The following MED13 variants were observed in gnomAD, a reference collection of about 807,000 sequenced individuals.
MED13 encodes mediator complex subunit 13.
Under a neutral mutation model 225.2 loss-of-function variants are expected in MED13, and 23 were observed. The observed-to-expected ratio is 0.10, with a 90% confidence interval of 0.07 to 0.14. The LOEUF (loss-of-function observed/expected upper bound fraction) is 0.14, where lower values mean the gene tolerates loss of function less well. MED13 is among the 10% of genes least tolerant of loss of function. The pLI is 1.00. For missense variants in MED13, 2,197 were observed against 2,594.5 expected (o/e 0.85, Z 3.33); for synonymous variants, 942 against 889.2 (o/e 1.06, Z -1.06).
intron 8 of MED13, among the ~76,000 whole-genome samples, chr17:62,022,650 A>G (rs1291766536): frequency 6.6e-6 from 1 of 152,142 alleles, no homozygotes; most frequent in Non-Finnish European, 1.5e-5. Flanking sequence ...TATATAAGTA[A>G]CTAATATGGA....
At chr17:62,021,665 C>CA (rs1318160723) in intron 8 of MED13, among the ~76,000 whole-genome samples, 1 of 152,102 alleles carries the variant, frequency 6.6e-6, no homozygotes, top group Non-Finnish European at 1.5e-5. Flanking sequence ...ATTATAATGG[C>CA]AAAAAATAAT....
chr17:61,982,589 T>C lies in MED13; in HGVS notation c.3414A>G (p.Ser1138=). 6.2e-7 allele frequency: 1 copy of C among 1,614,226 alleles called. No individual in the cohort carries two copies. The highest frequency in any genetic ancestry group is 8.5e-7 in the Non-Finnish European group (1 of 1,180,044). ...AVMNRKFGNN[S]GLFLEDELDI... ...CTAGTTCATCTTCAAGAAATAATCC[T>C]GAATTGTTTCCAAATTTTCTGTTCA... is the stretch of plus-strand genomic sequence containing the variant. Residue 1138 remains serine, a synonymous_variant, in exon 16 of 30, where the codon TCA becomes TCG. Transcript: ENST00000397786.
chr17:61,957,184 T>G (rs1303072631), intron 23 of MED13, among the ~76,000 whole-genome samples: 1 of 151,370 alleles, frequency 6.6e-6, no homozygotes, highest in Non-Finnish European at 1.5e-5. Context: ...GCAGCTGAGA[T>G]TACAGGCACA....
At chr17:61,976,311 T>C (rs769543027) in intron 16 of MED13, among the ~76,000 whole-genome samples, 17 of 152,146 alleles carry the variant, frequency 1.1e-4, no homozygotes, top group Non-Finnish European at 2.1e-4. Context: ...CTGAAGACCA[T>C]ACAGTATATA....
intron 1 of MED13, among the ~76,000 whole-genome samples, chr17:62,064,871 G>A (rs543513407): frequency 6.6e-6 from 1 of 152,206 alleles, no homozygotes; most frequent in Non-Finnish European, 1.5e-5. Flanking sequence ...GCCAGATAAG[G>A]AGCTCAAGTT....
chr17:61,975,464 A>G (rs367752445), intron 16 of MED13, among the ~76,000 whole-genome samples: 1 of 152,362 alleles, frequency 6.6e-6, no homozygotes, highest in East Asian at 1.9e-4. Flanking sequence ...TATAATAAGA[A>G]AAACAATGTG....
chr17:61,958,091 C>G (rs1480128018), intron 23 of MED13, among the ~76,000 whole-genome samples: 1 of 151,818 alleles, frequency 6.6e-6, no homozygotes, highest in East Asian at 1.9e-4. Flanking sequence ...GTCTCGATCT[C>G]CTGACCTTGT....
intron 11 of MED13, among the ~76,000 whole-genome samples, chr17:61,990,552 ATT>A (rs1491517850): frequency 6.7e-6 from 1 of 150,266 alleles, no homozygotes; most frequent in Non-Finnish European, 1.5e-5. Flanking sequence ...ATATATATAT[ATT>A]TTTTAGTATG....
At chr17:62,047,758 AAAAG>A (rs2080911200) in intron 3 of MED13, among the ~76,000 whole-genome samples, 1 of 151,858 alleles carries the variant, frequency 6.6e-6, no homozygotes, top group African/African-American at 2.4e-5. Context: ...AGATCATTAA[AAAAG>A]AGAGAGAGAG....
intron 3 of MED13, among the ~76,000 whole-genome samples, chr17:62,042,790 C>CA: frequency 6.6e-6 from 1 of 152,002 alleles, no homozygotes. Context: ...GCAGCTCCAA[C>CA]ACTTGATAGC....
rs60236710 is a variant in MED13, at chr17:62,008,016, C to CAA, written c.1967+2532_1967+2533dup. On this transcript the variant is annotated intron_variant, in intron 9 of 29. Transcript: ENST00000397786. The stretch of plus-strand genomic sequence containing the variant: ...CCTGGAGGAAAGAGCGAGACTGTCT[C>CAA]AAAAAAAAAAAAAAAAAAAAGCTGT... Among the ~76,000 whole-genome samples, 80 of 50,422 alleles carry CAA rather than the reference C, an allele frequency of 1.6e-3. 2 individuals carry two copies. The highest frequency in any genetic ancestry group is 4.6e-3 in the African/African-American group (67 of 14,688). 33.1% of individuals were successfully genotyped at this position (50,422 alleles called of 152,430 possible). A position where few individuals can be genotyped will look rare whatever the true frequency, so the allele number is the denominator to read the frequency against.
At chr17:61,977,307 C>G (rs1185671132) in intron 16 of MED13, among the ~76,000 whole-genome samples, 1 of 152,152 alleles carries the variant, frequency 6.6e-6, no homozygotes, top group Non-Finnish European at 1.5e-5. Flanking sequence ...TTAAAGGAGA[C>G]AGAGTTATCC....
In MED13 at chr17:61,978,250, A is replaced by AT. The variant is rs555505481; in HGVS notation, c.3805+3947dup. 2.2e-3 allele frequency among the ~76,000 whole-genome samples: 314 copies of AT among 145,698 alleles called. 1 individual carries two copies. Among genetic ancestry groups the AT allele is most frequent in the African/African-American group, 6.9e-3 (271 of 39,532 alleles). ...ATTGCAACCTCCAAAACTGCTTTTTATTTTTTTTATTTTTTTTCAGACCGA... is the reference window on the plus strand; with the variant it reads ...ATTGCAACCTCCAAAACTGCTTTTTATTTTTTTTTATTTTTTTTCAGACCGA... On this transcript the variant is annotated intron_variant, in intron 16 of 29. Coordinates refer to ENST00000397786, the MANE Select transcript of MED13 (RefSeq NM_005121.3).
At chr17:61,958,482 G>A (rs1230469345) in intron 23 of MED13, among the ~76,000 whole-genome samples, 1 of 152,062 alleles carries the variant, frequency 6.6e-6, no homozygotes, top group Non-Finnish European at 1.5e-5. Context: ...GGGACTACAG[G>A]CGTGTACGAC....
Position 62,010,810 on chromosome 17 carries a change from C to G in MED13, c.1707G>C (p.Leu569Phe). 2 of 1,614,162 alleles carry G rather than the reference C, an allele frequency of 1.2e-6. No homozygotes were observed. Residue 569 changes from leucine (L) to phenylalanine (F), a missense_variant, in exon 9 of 30, where the codon TTG (leucine) becomes TTC (phenylalanine). Physicochemically the swap from Leu to Phe is conservative, Grantham distance 22. Transcript: ENST00000397786. ...TATCTTCCATTGGTTTAGAAGGAACCAAGGGATCTGGTGTTGGCATTTGAT... is the reference window on the plus strand; with the variant it reads ...TATCTTCCATTGGTTTAGAAGGAACGAAGGGATCTGGTGTTGGCATTTGAT... ...HFYQMPTPDP[L>F]VPSKPMEDRI... is the part of the protein sequence containing the mutation.
chr17:61,948,003 C>T (rs948950459), intron 28 of MED13, among the ~76,000 whole-genome samples: 1 of 152,116 alleles, frequency 6.6e-6, no homozygotes, highest in African/African-American at 2.4e-5. Context: ...CCAAAAATAG[C>T]TATGTTTCAA....
intron 24 of MED13, 86 bp downstream of exon 24, chr17:61,956,253 T>C: frequency 1.6e-6 from 2 of 1,282,908 alleles, no homozygotes; most frequent in Non-Finnish European, 2.1e-6. Flanking sequence ...TGCATTTTAT[T>C]CAACATATAT....
intron 20 of MED13, among the ~76,000 whole-genome samples, chr17:61,964,513 C>T (rs752562012): frequency 6.6e-6 from 1 of 151,900 alleles, no homozygotes; most frequent in Admixed American, 6.6e-5. Context: ...TGCAGTGAGC[C>T]GTGATCACGC....
intron 10 of MED13, among the ~76,000 whole-genome samples, chr17:61,993,766 C>T (rs941000399): frequency 4.6e-5 from 7 of 151,704 alleles, no homozygotes; most frequent in African/African-American, 1.7e-4. Context: ...CTCGTCTCTA[C>T]TGAAAATACA....
Sources: allele counts gnomAD v4.1 joint callset (sites outside exome capture counted in the v4.1 genomes callset), GRCh38; gene constraint gnomAD v4.1.1; transcripts MANE v1.5; gene names NCBI Gene and HGNC (gene_info 2026-07-23, HGNC 2026-07-21).